GPC6: variants seen among roughly 807,000 people sequenced by gnomAD.
The protein encoded by GPC6 is glypican-6.
In GPC6, 14 loss-of-function variants were observed where a neutral mutation model predicts 55.2. The observed-to-expected ratio is 0.25, with a 90% CI of 0.17 to 0.40. The LOEUF (loss-of-function observed/expected upper bound fraction) is 0.40. GPC6 is among the 10% of genes least tolerant of loss of function. The pLI is 1.00. For missense variants in GPC6, 641 were observed against 708.5 expected (o/e 0.90, Z 1.08); for synonymous variants, 278 against 259.6 (o/e 1.07, Z -0.68).
chr13:93,598,331 C>A (rs1454044410), intron 2 of GPC6, among the ~76,000 whole-genome samples: 2 of 152,048 alleles, frequency 1.3e-5, no homozygotes, highest in Admixed American at 6.5e-5. Context: ...TAGGATGTGT[C>A]CTGTTTTCAA....
At chr13:94,288,930 T>TATATATATAACAAATATAG (rs1555316161) in intron 5 of GPC6, among the ~76,000 whole-genome samples, 1 of 108,214 alleles carries the variant, frequency 9.2e-6, no homozygotes, top group Non-Finnish European at 1.7e-5. Flanking sequence ...ATATAACAAA[T>TATATATATAACAAATATAG]ATAGATAGAT....
intron 1 of GPC6, among the ~76,000 whole-genome samples, chr13:93,256,071 G>A (rs949319469): frequency 2.0e-5 from 3 of 149,620 alleles, no homozygotes; most frequent in African/African-American, 4.9e-5. Flanking sequence ...TGCTTGAGAT[G>A]TTGTAAGTTT....
chr13:94,068,633 T>C (rs1170024635), intron 4 of GPC6, among the ~76,000 whole-genome samples: 1 of 152,122 alleles, frequency 6.6e-6, no homozygotes, highest in East Asian at 1.9e-4. Context: ...CTAGATACAA[T>C]GGGAGTACAG....
chr13:93,435,460 A>T (rs926206286), intron 1 of GPC6, among the ~76,000 whole-genome samples: 1 of 147,112 alleles, frequency 6.8e-6, no homozygotes, highest in East Asian at 2.0e-4. Flanking sequence ...ACTTTACCAA[A>T]TTTTTTTTTT....
intron 4 of GPC6, among the ~76,000 whole-genome samples, chr13:94,196,710 G>T: frequency 6.6e-6 from 1 of 152,100 alleles, no homozygotes; most frequent in Non-Finnish European, 1.5e-5. Flanking sequence ...TACGAGAGTT[G>T]GCATAACCCC....
intron 1 of GPC6, among the ~76,000 whole-genome samples, chr13:93,252,414 T>C (rs1321203127): frequency 1.3e-5 from 2 of 152,234 alleles, no homozygotes; most frequent in Non-Finnish European, 2.9e-5. Flanking sequence ...CTTTTCTTCC[T>C]GACTAATTTG....
chr13:93,487,666 T>G (rs1264676593), intron 1 of GPC6, among the ~76,000 whole-genome samples: 1 of 152,218 alleles, frequency 6.6e-6, no homozygotes, highest in Non-Finnish European at 1.5e-5. Flanking sequence ...ATCATTTGTA[T>G]TGGAACACTG....
intron 4 of GPC6, among the ~76,000 whole-genome samples, chr13:94,146,369 A>T (rs768437528): frequency 9.2e-5 from 14 of 152,156 alleles, no homozygotes; most frequent in Non-Finnish European, 1.8e-4. Flanking sequence ...ACTATCTAGG[A>T]CAGTCTCACC....
At chr13:93,451,235 G>A (rs1034020522) in intron 1 of GPC6, among the ~76,000 whole-genome samples, 4 of 152,198 alleles carry the variant, frequency 2.6e-5, no homozygotes, top group African/African-American at 9.7e-5. Flanking sequence ...CAAAATTAAA[G>A]CTTTAGCTTT....
chr13:93,643,458 G>A (rs977801043), intron 2 of GPC6, among the ~76,000 whole-genome samples: 1 of 152,076 alleles, frequency 6.6e-6, no homozygotes, highest in African/African-American at 2.4e-5. Context: ...CCAAAGAAGT[G>A]GCCAAAGCTA....
At chr13:93,916,803 T>C (rs1365632023) in intron 3 of GPC6, among the ~76,000 whole-genome samples, 2 of 134,524 alleles carry the variant, frequency 1.5e-5, no homozygotes, top group Non-Finnish European at 3.1e-5. Flanking sequence ...CTTTGTGGCA[T>C]GGGGGAGGGG....
chr13:93,611,226 A>G (rs925780415), intron 2 of GPC6, among the ~76,000 whole-genome samples: 12 of 152,140 alleles, frequency 7.9e-5, no homozygotes, highest in Admixed American at 5.2e-4. Context: ...AATTAAGGCA[A>G]TGGTAAAATT....
At chr13:93,348,369 A>G (rs1880501917) in intron 1 of GPC6, among the ~76,000 whole-genome samples, 1 of 152,258 alleles carries the variant, frequency 6.6e-6, no homozygotes, top group South Asian at 2.1e-4. Context: ...TTTGTATTAG[A>G]TAAAAGTCCT....
At chr13:93,885,760 T>C (rs1875286766) in intron 3 of GPC6, among the ~76,000 whole-genome samples, 1 of 152,174 alleles carries the variant, frequency 6.6e-6, no homozygotes, top group African/African-American at 2.4e-5. Context: ...GAACAGGGCT[T>C]TCATTTCTAT....
intron 3 of GPC6, among the ~76,000 whole-genome samples, chr13:93,925,702 G>A (rs1877822794): frequency 6.6e-6 from 1 of 152,180 alleles, no homozygotes; most frequent in Non-Finnish European, 1.5e-5. Context: ...TGGAATTTGG[G>A]CATAGTACAG....
intron 6 of GPC6, among the ~76,000 whole-genome samples, chr13:94,347,996 T>G (rs1878370884): frequency 6.6e-6 from 1 of 152,236 alleles, no homozygotes; most frequent in South Asian, 2.1e-4. Context: ...TCAGGTTCTA[T>G]GCAGCCGTTC....
chr13:93,601,799 C>T (rs1878026463), intron 2 of GPC6, among the ~76,000 whole-genome samples: 1 of 152,190 alleles, frequency 6.6e-6, no homozygotes. Context: ...AGAGAAGTCT[C>T]CTCTCTCAAT....
chr13:93,510,989 A>ATATATATGTG lies in GPC6; in HGVS notation c.161-34267_161-34266insGTGTATATAT, dbSNP rs1566396695. ...TATATATGTGTATATATATATGTGT[A>ATATATATGTG]TATATATATATATATATTCATGTCC... On this transcript the variant is annotated intron_variant, in intron 1 of 8. Transcript: ENST00000377047. Among the ~76,000 whole-genome samples, 7 of 14,946 alleles carry ATATATATGTG rather than the reference A, an allele frequency of 4.7e-4. 1 individual carries two copies. Among genetic ancestry groups the ATATATATGTG allele is most frequent in the Non-Finnish European group, 8.6e-4 (5 of 5,814 alleles). 9.8% of individuals were successfully genotyped at this position (14,946 alleles called of 152,430 possible).
At chr13:93,493,748 A>C (rs1013079080) in intron 1 of GPC6, among the ~76,000 whole-genome samples, 10 of 123,274 alleles carry the variant, frequency 8.1e-5, no homozygotes, top group Admixed American at 1.7e-4. Context: ...GTTTCAAAGA[A>C]CATCTTTATT....
Sources: gnomAD v4.1 joint callset for allele counts (sites outside exome capture counted in the v4.1 genomes callset) on GRCh38, gnomAD v4.1.1 for gene constraint, MANE v1.5 for transcripts, NCBI Gene and HGNC (gene_info 2026-07-23, HGNC 2026-07-21) for gene names.